FAT3: variants seen among roughly 807,000 people sequenced by gnomAD.
FAT3 encodes the protein protocadherin Fat 3.
A neutral mutation model predicts 310.2 loss-of-function variants in FAT3; 95 were observed. The observed-to-expected ratio is 0.31, with a 90% CI of 0.26 to 0.36. The LOEUF (loss-of-function observed/expected upper bound fraction) is 0.36, where lower values mean the gene tolerates loss of function less well. Ranked by LOEUF, FAT3 falls within the 10% of genes least tolerant of loss-of-function variation. The pLI, the probability that FAT3 is intolerant of heterozygous loss-of-function variation, is 1.00. For missense variants in FAT3, 5,408 were observed against 5,715.6 expected (o/e 0.95, Z 1.74); for synonymous variants, 2,314 against 2,192.9 (o/e 1.06, Z -1.54).
chr11:92,312,767 G>A (rs751468048), intron 1 of FAT3, among the ~76,000 whole-genome samples: 4 of 152,058 alleles, frequency 2.6e-5, no homozygotes, highest in South Asian at 2.1e-4. Flanking sequence ...CATACATGTC[G>A]GATGCAAAAC....
intron 1 of FAT3, among the ~76,000 whole-genome samples, chr11:92,316,797 G>A (rs1350763243): frequency 1.3e-5 from 2 of 152,096 alleles, no homozygotes; most frequent in Admixed American, 1.3e-4. Flanking sequence ...TTAGCTGCTG[G>A]GTATTGAGCT....
intron 2 of FAT3, among the ~76,000 whole-genome samples, chr11:92,480,208 C>T (rs548986100): frequency 7.2e-5 from 11 of 152,040 alleles, no homozygotes; most frequent in African/African-American, 1.9e-4. Context: ...GAGCTTACCG[C>T]GAGCCGAGAT....
intron 3 of FAT3, among the ~76,000 whole-genome samples, chr11:92,670,192 AC>A (rs1943085306): frequency 1.3e-5 from 2 of 152,330 alleles, no homozygotes; most frequent in South Asian, 2.1e-4. Flanking sequence ...TGCTTTATAA[AC>A]ATACTTTTGA....
At chr11:92,610,403 G>A (rs1054136151) in intron 3 of FAT3, among the ~76,000 whole-genome samples, 2 of 152,214 alleles carry the variant, frequency 1.3e-5, no homozygotes, top group South Asian at 4.1e-4. Context: ...CTTTGATAAT[G>A]TTTATTTATG....
chr11:92,785,155 T>C (rs1264253025), intron 7 of FAT3, among the ~76,000 whole-genome samples: 7 of 152,094 alleles, frequency 4.6e-5, no homozygotes, highest in Admixed American at 3.9e-4. Context: ...CATTTGTCTC[T>C]CCCTCAAAAA....
At chr11:92,412,758 T>TATATATATATATATATATAC (rs1555038657) in intron 2 of FAT3, among the ~76,000 whole-genome samples, 1 of 61,180 alleles carries the variant, frequency 1.6e-5, no homozygotes, top group Non-Finnish European at 3.8e-5. Context: ...TATACATACA[T>TATATATATATATATATATAC]ATATATATAT....
chr11:92,248,371 C>T (rs1461012702), intron 1 of FAT3, among the ~76,000 whole-genome samples: 1 of 152,070 alleles, frequency 6.6e-6, no homozygotes, highest in Admixed American at 6.6e-5. Context: ...TGGCATTACC[C>T]TCTGCATACT....
At chr11:92,426,984 G>T (rs182823363) in intron 2 of FAT3, among the ~76,000 whole-genome samples, 1 of 151,996 alleles carries the variant, frequency 6.6e-6, no homozygotes, top group African/African-American at 2.4e-5. Context: ...CCATTTTCAC[G>T]CTATTGATTC....
intron 2 of FAT3, among the ~76,000 whole-genome samples, chr11:92,465,369 A>G (rs1184457743): frequency 6.6e-6 from 1 of 152,206 alleles, no homozygotes; most frequent in Admixed American, 6.5e-5. Flanking sequence ...GATTTTGGCT[A>G]TGTTATAAAA....
intron 21 of FAT3, 34 bp downstream of exon 21, chr11:92,859,356 G>A: frequency 6.6e-7 from 1 of 1,511,788 alleles, no homozygotes; most frequent in Admixed American, 2.0e-5. Context: ...TCTGCAGTCA[G>A]TTCTCATGTT....
rs375565776 is a variant in FAT3, at chr11:92,801,547, C to G, written c.8534C>G (p.Ala2845Gly). 48 of 1,607,586 alleles carry G rather than the reference C, an allele frequency of 3.0e-5. No homozygotes were observed. The African/African-American group carries it at 4.4e-4, about 15-fold the overall frequency. Residue 2845 changes from alanine to glycine, a missense_variant, in exon 10 of 28, where the codon GCC (alanine) becomes GGC (glycine). Transcript: ENST00000525166. ...QVRAIDMDWG[A>G]NGQVTYSLHS... ...AGAGCTATTGATATGGACTGGGGAG[C>G]CAATGGACAAGTCACTTACTCCCTC...
intron 2 of FAT3, among the ~76,000 whole-genome samples, chr11:92,466,706 G>T (rs373831232): frequency 1.3e-5 from 2 of 149,160 alleles, no homozygotes; most frequent in Non-Finnish European, 3.0e-5. Context: ...AGCATTAGGT[G>T]TATCTCCTAA....
In FAT3 at chr11:92,799,859, C is replaced by T. The variant is rs1947285761; in HGVS notation, c.6846C>T (p.Asp2282=). The change falls in exon 10 of 28, where the codon GAC becomes GAT. Residue 2282 remains aspartate, a synonymous_variant. Transcript: ENST00000525166. ...TVDLLVNDVN[D]NPPIFDQPTY... Reference sequence around the variant, plus strand: ...ACTTGCTAGTTAATGATGTAAATGACAACCCCCCTATTTTCGATCAGCCTA... The same window carrying T: ...ACTTGCTAGTTAATGATGTAAATGATAACCCCCCTATTTTCGATCAGCCTA... 6.2e-7 allele frequency: 1 copy of T among 1,613,288 alleles called. No individual in the cohort carries two copies. The highest frequency in any genetic ancestry group is 8.5e-7 in the Non-Finnish European group (1 of 1,179,694).
intron 4 of FAT3, among the ~76,000 whole-genome samples, chr11:92,758,399 T>A (rs890094077): frequency 3.9e-5 from 6 of 152,146 alleles, no homozygotes; most frequent in African/African-American, 1.4e-4. Flanking sequence ...GATTGAGGCT[T>A]CTAGAATGAG....
chr11:92,301,375 G>A (rs1227780774), intron 1 of FAT3, among the ~76,000 whole-genome samples: 3 of 152,128 alleles, frequency 2.0e-5, no homozygotes, highest in Admixed American at 2.0e-4. Context: ...GAGTGCAGAG[G>A]GCCCTGCTCA....
chr11:92,846,607 G>C (rs1428769827), intron 19 of FAT3, among the ~76,000 whole-genome samples: 3 of 152,118 alleles, frequency 2.0e-5, no homozygotes, highest in Non-Finnish European at 4.4e-5. Flanking sequence ...AGATAGAGGG[G>C]TTGCTCTTGA....
intron 1 of FAT3, among the ~76,000 whole-genome samples, chr11:92,288,998 A>G (rs1308807727): frequency 1.3e-5 from 2 of 152,110 alleles, no homozygotes; most frequent in Non-Finnish European, 2.9e-5. Flanking sequence ...AGCCTAAACA[A>G]TAATCTCCCC....
At chr11:92,784,796 A>G (rs765793277) in intron 7 of FAT3, among the ~76,000 whole-genome samples, 7 of 152,192 alleles carry the variant, frequency 4.6e-5, no homozygotes, top group Non-Finnish European at 8.8e-5. Flanking sequence ...GGCGTAAGAC[A>G]AAGCAAGCAA....
At chr11:92,646,286 A>T (rs544558963) in intron 3 of FAT3, among the ~76,000 whole-genome samples, 1 of 152,340 alleles carries the variant, frequency 6.6e-6, no homozygotes, top group African/African-American at 2.4e-5. Context: ...AAGTACCTGC[A>T]TGTGGCTTTT....
Sources: gnomAD v4.1 joint callset for allele counts (sites outside exome capture counted in the v4.1 genomes callset) on GRCh38, gnomAD v4.1.1 for gene constraint, MANE v1.5 for transcripts, NCBI Gene and HGNC (gene_info 2026-07-23, HGNC 2026-07-21) for gene names.